ZNF33B: variants seen among roughly 807,000 people sequenced by gnomAD.
The protein encoded by ZNF33B is zinc finger protein 11b (KOX 2).
Under a neutral mutation model 45.8 loss-of-function variants are expected in ZNF33B, and 29 were observed. The ratio of observed to expected loss-of-function variants is 0.63; its 90% CI spans 0.47 to 0.86. The LOEUF (loss-of-function observed/expected upper bound fraction) is 0.86, where lower values mean the gene tolerates loss of function less well. Among genes scored for constraint, ZNF33B ranks in the 40% least tolerant of loss-of-function variants. The pLI, the probability that ZNF33B is intolerant of heterozygous loss-of-function variation, is 0.00. For missense variants in ZNF33B, 831 were observed against 909.9 expected (o/e 0.91, Z 1.12); for synonymous variants, 305 against 307.8 (o/e 0.99, Z 0.10).
At chr10:42,634,856 A>G (rs1385154763) in intron 2 of ZNF33B, among the ~76,000 whole-genome samples, 2 of 152,260 alleles carry the variant, frequency 1.3e-5, no homozygotes, top group African/African-American at 4.8e-5. Context: ...TCATGACCTC[A>G]AAGTAGGTAA....
chr10:42,575,219 A>T (rs1309887535), intron 1 of ZNF33B, among the ~76,000 whole-genome samples: 1 of 152,202 alleles, frequency 6.6e-6, no homozygotes, highest in Non-Finnish European at 1.5e-5. Context: ...GAGGTTGGTG[A>T]TTATGGATCA....
rs776637402 is a variant in ZNF33B, at chr10:42,599,925, G to A, written c.251-5226C>T. On this transcript the variant is annotated intron_variant, in intron 4 of 4. Coordinates refer to ENST00000359467, the MANE Select transcript of ZNF33B (RefSeq NM_006955.3). The stretch of plus-strand genomic sequence containing the variant: ...CAAAACACTTTCTAATTTCCTCTTC[G>A]AATTCTTCTTTGAAGCATCCATTAC... Among the ~76,000 whole-genome samples the A allele has an allele frequency of 4.0e-5, 6 of 151,644 alleles. No individual in the cohort carries two copies. The South Asian group carries it at 8.3e-4, about 21-fold the overall frequency.
At chr10:42,579,467 G>T (rs1836794247) in intron 1 of ZNF33B, among the ~76,000 whole-genome samples, 1 of 152,310 alleles carries the variant, frequency 6.6e-6, no homozygotes, top group South Asian at 2.1e-4. Context: ...GTAATGTTAT[G>T]AATGGCATGA....
At chr10:42,623,624 C>T (rs1481015588) in intron 4 of ZNF33B, among the ~76,000 whole-genome samples, 1 of 152,122 alleles carries the variant, frequency 6.6e-6, no homozygotes, top group Non-Finnish European at 1.5e-5. Context: ...TCACAACATT[C>T]AAAACTCACA....
At chr10:42,622,557 C>T (rs1346716899) in intron 4 of ZNF33B, among the ~76,000 whole-genome samples, 1 of 152,076 alleles carries the variant, frequency 6.6e-6, no homozygotes, top group Admixed American at 6.6e-5. Flanking sequence ...TTGACAAGGG[C>T]GTCAATTCTA....
At chr10:42,585,764 TATAA>T (rs1408645653), downstream of ZNF33B, among the ~76,000 whole-genome samples, 2 of 152,212 alleles carry the variant, frequency 1.3e-5, no homozygotes, top group African/African-American at 2.4e-5. Flanking sequence ...CCCTTTTTGT[TATAA>T]ATAAATTTTT....
chr10:42,596,145 G>A (rs1379857735), intron 4 of ZNF33B, among the ~76,000 whole-genome samples: 1 of 151,506 alleles, frequency 6.6e-6, no homozygotes, highest in Non-Finnish European at 1.5e-5. Flanking sequence ...AGAAAACAAT[G>A]GAATAAATCT....
rs1350662133 is a variant in ZNF33B, at chr10:42,592,574, T to C, written c.*39A>G. 1 of 1,589,032 alleles carries C rather than the reference T, an allele frequency of 6.3e-7. No individual in the cohort carries two copies. The highest frequency in any genetic ancestry group is 1.2e-5 in the South Asian group (1 of 85,546). On this transcript the variant is annotated 3_prime_UTR_variant, in exon 5 of 5. Transcript: ENST00000359467. ...ACAGTGTGAAGACTCTGAGGCATTA[T>C]GGAGGCTGACTTGTGGCTGGAAATT...
At chr10:42,596,964 G>A (rs1392541388) in intron 4 of ZNF33B, among the ~76,000 whole-genome samples, 1 of 150,246 alleles carries the variant, frequency 6.7e-6, no homozygotes, top group Non-Finnish European at 1.5e-5. Flanking sequence ...ATACTATCAG[G>A]TATGAGTGTA....
intron 1 of ZNF33B, among the ~76,000 whole-genome samples, chr10:42,575,368 G>T (rs1484888298): frequency 6.6e-6 from 1 of 152,118 alleles, no homozygotes. Context: ...ACCACCAGGA[G>T]CCTGGAAGAA....
intron 4 of ZNF33B, among the ~76,000 whole-genome samples, chr10:42,623,668 T>C (rs1329855878): frequency 7.2e-5 from 11 of 152,220 alleles, no homozygotes; most frequent in Non-Finnish European, 1.0e-4. Context: ...CCATAGGCTG[T>C]TGGGAGGGGG....
At chr10:42,612,222 TAC>T (rs1437458168) in intron 4 of ZNF33B, among the ~76,000 whole-genome samples, 62 of 146,410 alleles carry the variant, frequency 4.2e-4, no homozygotes, top group Non-Finnish European at 7.4e-4. Flanking sequence ...CGTGGCAGGT[TAC>T]AGAAGTTGAT....
At chr10:42,633,930 A>C (rs1839168484) in intron 2 of ZNF33B, among the ~76,000 whole-genome samples, 1 of 151,196 alleles carries the variant, frequency 6.6e-6, no homozygotes, top group Admixed American at 6.6e-5. Context: ...GGTCGGCACC[A>C]CTGCACTCCA....
intron 4 of ZNF33B, among the ~76,000 whole-genome samples, chr10:42,596,469 T>TA (rs1186953822): frequency 6.6e-6 from 1 of 152,158 alleles, no homozygotes; most frequent in Non-Finnish European, 1.5e-5. Context: ...GGTTTAGAAT[T>TA]ACATACTCAA....
At chr10:42,615,816 T>TC (rs1248375042) in intron 4 of ZNF33B, among the ~76,000 whole-genome samples, 1 of 151,878 alleles carries the variant, frequency 6.6e-6, no homozygotes, top group Admixed American at 6.6e-5. Context: ...TCCCAGCTAC[T>TC]CGGGAGGCTG....
chr10:42,632,872 G>A (rs1174319353), intron 2 of ZNF33B: 1 of 181,558 alleles, frequency 5.5e-6, no homozygotes, highest in Non-Finnish European at 1.1e-5. Context: ...ACGGGGCCAT[G>A]ATACAAGCAA....
At chr10:42,609,591 C>T (rs1838018666) in intron 4 of ZNF33B, among the ~76,000 whole-genome samples, 1 of 152,166 alleles carries the variant, frequency 6.6e-6, no homozygotes, top group African/African-American at 2.4e-5. Context: ...GATCCCATTA[C>T]TACCCTGGTA....
intron 4 of ZNF33B, 24 bp from the exon 5 acceptor site, chr10:42,594,723 T>G: frequency 1.3e-6 from 2 of 1,527,014 alleles, no homozygotes; most frequent in Non-Finnish European, 8.7e-7. Context: ...AAATTAATCT[T>G]ACCATATAAA....
At chr10:42,629,451 A>G (rs1181361414) in intron 4 of ZNF33B, among the ~76,000 whole-genome samples, 2 of 152,212 alleles carry the variant, frequency 1.3e-5, no homozygotes, top group Non-Finnish European at 2.9e-5. Flanking sequence ...AAAGAGTGTA[A>G]CTGGATTGTT....
Sources: allele counts gnomAD v4.1 joint callset (sites outside exome capture counted in the v4.1 genomes callset), GRCh38; gene constraint gnomAD v4.1.1; transcripts MANE v1.5; gene names NCBI Gene and HGNC (gene_info 2026-07-23, HGNC 2026-07-21).